The following MYH10 variants were observed in gnomAD, a reference collection of about 807,000 sequenced individuals.
MYH10 encodes myosin-10.
In MYH10, 55 loss-of-function variants were observed where a neutral mutation model predicts 257.8. The observed-to-expected ratio is 0.21, with a 90% CI of 0.17 to 0.27. The LOEUF (loss-of-function observed/expected upper bound fraction) is 0.27, where lower values mean the gene tolerates loss of function less well. MYH10 is among the 10% of genes least tolerant of loss of function. MYH10 has a pLI of 1.00. For synonymous variants in MYH10, 854 were observed against 921.7 expected (o/e 0.93, Z 1.33); for missense variants, 1,631 against 2,500.6 (o/e 0.65, Z 7.42).
intron 4 of MYH10, among the ~76,000 whole-genome samples, chr17:8,582,060 T>C (rs761168682): frequency 1.7e-4 from 26 of 152,246 alleles, no homozygotes; most frequent in South Asian, 2.1e-4. Context: ...GTGATACCAA[T>C]AGTTATGATA....
rs191098124 is a variant in MYH10, at chr17:8,497,825, T to A, written c.3951+1445A>T. ...TGTACAGTTCATGACTTTTTTGGGT[T>A]ATTTCCTAAAAACATGACTTTTTTG... On this transcript the variant is annotated intron_variant, in intron 30 of 42. Transcript: ENST00000360416. Among the ~76,000 whole-genome samples, 21 of 151,824 alleles carry A rather than the reference T, an allele frequency of 1.4e-4. No individual in the cohort carries two copies. In the East Asian group the frequency reaches 3.1e-3, roughly 22 times the overall value.
At chr17:8,574,944 G>T (rs1486116858) in intron 6 of MYH10, among the ~76,000 whole-genome samples, 1 of 152,198 alleles carries the variant, frequency 6.6e-6, no homozygotes, top group East Asian at 1.9e-4. Context: ...TTCCTCAGTT[G>T]TGTTGGGGAA....
chr17:8,555,166 C>CATAA (rs953708166), intron 7 of MYH10, among the ~76,000 whole-genome samples: 2 of 151,710 alleles, frequency 1.3e-5, no homozygotes, highest in African/African-American at 2.4e-5. Flanking sequence ...GCAAAACAAA[C>CATAA]ATAATGATCA....
At chr17:8,492,246 C>T in intron 34 of MYH10, 51 bp downstream of exon 34, 1 of 1,566,732 alleles carries the variant, frequency 6.4e-7, no homozygotes, top group Non-Finnish European at 8.7e-7. Flanking sequence ...AAGGCCCAGG[C>T]CCCTGGGATA....
intron 38 of MYH10, chr17:8,480,773 G>A (rs945872594): frequency 9.0e-6 from 5 of 556,212 alleles, no homozygotes; most frequent in Admixed American, 3.0e-5. Flanking sequence ...GTGGCCTCCC[G>A]CTGCCCTGCC....
rs554956767 is a variant in MYH10 at position 8,474,682 on chromosome 17, C to G, written c.*1122G>C. On this transcript the variant is annotated 3_prime_UTR_variant, in exon 43 of 43. Coordinates refer to ENST00000360416, the MANE Select transcript of MYH10 (RefSeq NM_001256012.3). ...AGTACTGTAGTGTCTAAGGCACTTT[C>G]CGTAATGTCAGTTTGCTTAACTACC... 1 of 152,758 alleles carries G rather than the reference C, an allele frequency of 6.5e-6. No individual in the cohort carries two copies. The highest frequency in any genetic ancestry group is 2.4e-5 in the African/African-American group (1 of 41,564). The allele number at this position is 152,758 out of a possible 1,614,324, so 9.5% of individuals were successfully genotyped here.
chr17:8,510,523 A>G (rs1029155877), intron 24 of MYH10, among the ~76,000 whole-genome samples: 2 of 152,206 alleles, frequency 1.3e-5, no homozygotes, highest in Non-Finnish European at 2.9e-5. Context: ...ACATACAGTG[A>G]TAAGTTATTT....
chr17:8,568,058 T>C (rs533813629), intron 7 of MYH10, among the ~76,000 whole-genome samples: 43 of 152,118 alleles, frequency 2.8e-4, no homozygotes, highest in Non-Finnish European at 5.6e-4. Flanking sequence ...CAGCCTAAAA[T>C]GTGTTCTGAC....
chr17:8,578,166 T>C lies in MYH10; in HGVS notation c.531-828A>G, dbSNP rs368216699. 3.3e-5 allele frequency among the ~76,000 whole-genome samples: 5 copies of C among 152,076 alleles called. No individual in the cohort carries two copies. The East Asian group carries it at 5.8e-4, about 18-fold the overall frequency. On this transcript the variant is annotated intron_variant, in intron 4 of 42. Coordinates refer to ENST00000360416, the MANE Select transcript of MYH10 (RefSeq NM_001256012.3). ...CACTTCCTGGTGCCAGTGTTGTGCC[T>C]CATAGGCTGGGTTCCTGATGGCAGG...
chr17:8,508,769 G>A, intron 25 of MYH10, 92 bp from the exon 26 acceptor site: 2 of 1,503,902 alleles, frequency 1.3e-6, no homozygotes, highest in Non-Finnish European at 1.8e-6. Flanking sequence ...TGACTCGAGA[G>A]AAAATAAGTT....
chr17:8,613,947 T>C (rs11652442), intron 2 of MYH10, among the ~76,000 whole-genome samples: 53,634 of 151,420 alleles, frequency 0.35, 11,331 homozygotes, highest in African/African-American at 0.61. Context: ...CAACAGTCAA[T>C]TTTGCAAGAA....
At position 8,583,117 on chromosome 17, in the gene MYH10, G is replaced by A. The variant is rs544606550; in HGVS notation, c.531-5779C>T. ...GACTCAAGTCTCCCCTATCGCACTG[G>A]CACTACCTCATCAGGTCTTGGATAA... On this transcript the variant is annotated intron_variant, in intron 4 of 42. Coordinates refer to ENST00000360416, the MANE Select transcript of MYH10 (RefSeq NM_001256012.3). 4.6e-5 allele frequency among the ~76,000 whole-genome samples: 7 copies of A among 152,248 alleles called. 1 individual carries two copies. Among genetic ancestry groups the A allele is most frequent in the Admixed American group, 4.6e-4 (7 of 15,288 alleles).
Position 8,573,728 on chromosome 17 carries a change from C to A in MYH10, c.663+2915G>T, listed in dbSNP as rs550596694. 13 of 602,164 alleles carry A rather than the reference C, an allele frequency of 2.2e-5. No individual in the cohort carries two copies. The African/African-American group carries it at 2.6e-4, about 12-fold the overall frequency. The allele number at this position is 602,164 out of a possible 1,614,324, so 37.3% of individuals were successfully genotyped here. A position where few individuals can be genotyped will look rare whatever the true frequency, so the allele number is the denominator to read the frequency against. On this transcript the variant is annotated intron_variant, in intron 6 of 42. Coordinates refer to ENST00000360416, the MANE Select transcript of MYH10 (RefSeq NM_001256012.3). ...CTTTAATTTTGTTATAAAAAGTACACCAAAAGTTCATAGATAAATGTTTAT... is the reference window on the plus strand; with the variant it reads ...CTTTAATTTTGTTATAAAAAGTACAACAAAAGTTCATAGATAAATGTTTAT...
chr17:8,504,600 C>T lies in MYH10; in HGVS notation c.3599+94G>A. ...TGCCATCACAAGGAAAAGCACACCA[C>T]CTCCCAAAGATAGCAAGCACACCAG... On this transcript the variant is annotated intron_variant, in intron 28 of 42. Coordinates refer to ENST00000360416, the MANE Select transcript of MYH10 (RefSeq NM_001256012.3). The surrounding 1 kb of genome is among the most constrained non-coding windows in gnomAD (Gnocchi z 5.6). The T allele has an allele frequency of 9.1e-7, 1 of 1,104,334 alleles. No homozygotes were observed. Among genetic ancestry groups the T allele is most frequent in the Non-Finnish European group, 1.3e-6 (1 of 755,170 alleles). 68.4% of individuals were successfully genotyped at this position (1,104,334 alleles called of 1,614,324 possible).
intron 28 of MYH10, among the ~76,000 whole-genome samples, chr17:8,501,416 G>C (rs928233486): frequency 1.4e-4 from 21 of 152,176 alleles, no homozygotes; most frequent in African/African-American, 4.6e-4. Flanking sequence ...CGGAGGTCAG[G>C]AATTGGTTAA....
At chr17:8,481,677 G>A (rs1233708070) in intron 37 of MYH10, among the ~76,000 whole-genome samples, 1 of 152,230 alleles carries the variant, frequency 6.6e-6, no homozygotes, top group African/African-American at 2.4e-5. Context: ...AACGTAAGAG[G>A]TGGCTATGTT....
chr17:8,529,570 G>A (rs957482635), intron 17 of MYH10, among the ~76,000 whole-genome samples: 3 of 152,126 alleles, frequency 2.0e-5, no homozygotes, highest in Non-Finnish European at 4.4e-5. Context: ...TTGGAGTTCC[G>A]TAGAATTTTC....
At chr17:8,580,332 T>C (rs932449364) in intron 4 of MYH10, among the ~76,000 whole-genome samples, 1 of 148,458 alleles carries the variant, frequency 6.7e-6, no homozygotes, top group African/African-American at 2.5e-5. Flanking sequence ...CTCTTCCCCA[T>C]CTCCCTGCCT....
chr17:8,486,543 C>CAAAAAAAAAA (rs67844660), intron 36 of MYH10, among the ~76,000 whole-genome samples: 1 of 120,766 alleles, frequency 8.3e-6, no homozygotes, highest in African/African-American at 3.4e-5. Flanking sequence ...TATTTAGCTT[C>CAAAAAAAAAA]AAAAAAAAAA....
Sources: allele counts gnomAD v4.1 joint callset (sites outside exome capture counted in the v4.1 genomes callset), GRCh38; gene constraint gnomAD v4.1.1; non-coding constraint Gnocchi (gnomAD v3.1); transcripts MANE v1.5; gene names NCBI Gene and HGNC (gene_info 2026-07-23, HGNC 2026-07-21).